The following GRM8 variants were observed in gnomAD, a reference collection of about 807,000 sequenced individuals.
GRM8 encodes glutamate metabotropic receptor 8.
A neutral mutation model predicts 87.2 loss-of-function variants in GRM8; 47 were observed. The observed-to-expected ratio is 0.54, with a 90% confidence interval of 0.43 to 0.69. The LOEUF (loss-of-function observed/expected upper bound fraction) is 0.69. Ranked by LOEUF, GRM8 falls within the 30% of genes least tolerant of loss-of-function variation. The pLI is 0.00. For missense variants in GRM8, 1,019 were observed against 1,139.2 expected (o/e 0.89, Z 1.52); for synonymous variants, 396 against 404.5 (o/e 0.98, Z 0.25).
At chr7:126,704,799 C>G (rs915971383) in intron 7 of GRM8, among the ~76,000 whole-genome samples, 1 of 152,130 alleles carries the variant, frequency 6.6e-6, no homozygotes. Context: ...AACCCTGTCT[C>G]CTGATAAGAT....
intron 6 of GRM8, among the ~76,000 whole-genome samples, chr7:126,875,424 G>A (rs1799450648): frequency 6.6e-6 from 1 of 152,096 alleles, no homozygotes; most frequent in South Asian, 2.1e-4. Flanking sequence ...AAACCTCTTA[G>A]ACCATCCTCC....
At chr7:126,454,060 G>T (rs1359079625) in intron 9 of GRM8, among the ~76,000 whole-genome samples, 1 of 151,426 alleles carries the variant, frequency 6.6e-6, no homozygotes, top group Non-Finnish European at 1.5e-5. Context: ...CATTTGAACG[G>T]ATATCAAAAT....
chr7:126,738,227 A>C (rs547014860), intron 7 of GRM8, among the ~76,000 whole-genome samples: 2 of 152,206 alleles, frequency 1.3e-5, no homozygotes, highest in African/African-American at 4.8e-5. Context: ...CAGGATGCTG[A>C]AAGCTGCAGG....
chr7:126,978,031 A>G (rs1307266897), intron 3 of GRM8, among the ~76,000 whole-genome samples: 1 of 152,256 alleles, frequency 6.6e-6, no homozygotes, highest in Non-Finnish European at 1.5e-5. Context: ...TGTTTTGTAC[A>G]GAATGGAGAT....
intron 2 of GRM8, among the ~76,000 whole-genome samples, chr7:127,114,430 A>ACT (rs1187289562): frequency 6.6e-6 from 1 of 152,160 alleles, no homozygotes; most frequent in African/African-American, 2.4e-5. Context: ...CACCTGCACA[A>ACT]AAGGGGCCTG....
chr7:127,037,545 C>T (rs1817957372), intron 3 of GRM8, among the ~76,000 whole-genome samples: 1 of 152,178 alleles, frequency 6.6e-6, no homozygotes, highest in South Asian at 2.1e-4. Context: ...ATTCTGGACA[C>T]TCATCTGCTT....
intron 3 of GRM8, among the ~76,000 whole-genome samples, chr7:127,093,189 TAG>T (rs962124303): frequency 7.9e-5 from 12 of 152,096 alleles, no homozygotes; most frequent in African/African-American, 2.4e-4. Context: ...TCCTGTAGCC[TAG>T]AGAGATCTGA....
Position 127,033,780 on chromosome 7 carries a change from A to G in GRM8, c.727+72716T>C, listed in dbSNP as rs17863184. On this transcript the variant is annotated intron_variant, in intron 3 of 10. Coordinates refer to ENST00000339582, the MANE Select transcript of GRM8 (RefSeq NM_000845.3). ...TATGTTTTAAGAGATATAGAGAACA[A>G]TCACCCTCATATAAATTCTGGACAC... 6.4e-3 allele frequency among the ~76,000 whole-genome samples: 970 copies of G among 152,292 alleles called. 8 individuals carry two copies. The highest frequency in any genetic ancestry group is 0.015 in the South Asian group (73 of 4,832).
At chr7:126,451,713 C>T (rs563739352) in intron 9 of GRM8, among the ~76,000 whole-genome samples, 1 of 151,864 alleles carries the variant, frequency 6.6e-6, no homozygotes, top group African/African-American at 2.4e-5. Context: ...CCCATACTGG[C>T]TCCCTGGCTG....
chr7:126,441,485 T>C (rs1801461802), intron 10 of GRM8, among the ~76,000 whole-genome samples: 1 of 152,070 alleles, frequency 6.6e-6, no homozygotes, highest in Non-Finnish European at 1.5e-5. Flanking sequence ...TGAATCTCTG[T>C]CCTAAAATTC....
chr7:126,999,142 A>G (rs111898724), intron 3 of GRM8, among the ~76,000 whole-genome samples: 14,764 of 151,952 alleles, frequency 0.097, 819 homozygotes, highest in East Asian at 0.21. Flanking sequence ...TATTGGAGAA[A>G]AATCATCTCT....
intron 2 of GRM8, among the ~76,000 whole-genome samples, chr7:127,224,134 G>T (rs1797162859): frequency 1.3e-5 from 2 of 152,118 alleles, no homozygotes; most frequent in South Asian, 4.1e-4. Context: ...AGGAAAAAGA[G>T]GGTAGGGCTA....
At chr7:127,232,431 A>T (rs115165058) in intron 2 of GRM8, among the ~76,000 whole-genome samples, 85 of 152,132 alleles carry the variant, frequency 5.6e-4, no homozygotes, top group African/African-American at 2.0e-3. Flanking sequence ...GGATCTTGTC[A>T]TGTTGCTCAG....
chr7:127,185,056 T>C (rs1382769091), intron 2 of GRM8, among the ~76,000 whole-genome samples: 1 of 152,078 alleles, frequency 6.6e-6, no homozygotes, highest in Non-Finnish European at 1.5e-5. Flanking sequence ...ACTTGGTCTA[T>C]AAATTCAAAG....
At chr7:127,206,407 T>TG (rs1473134692) in intron 2 of GRM8, among the ~76,000 whole-genome samples, 4 of 152,216 alleles carry the variant, frequency 2.6e-5, no homozygotes, top group Non-Finnish European at 5.9e-5. Flanking sequence ...TCCATACTCC[T>TG]GTATGGCATT....
intron 6 of GRM8, among the ~76,000 whole-genome samples, chr7:126,788,420 A>AAAAAAAAAAAAAAAAAAAAAAC: frequency 1.7e-4 from 14 of 81,136 alleles, no homozygotes; most frequent in African/African-American, 6.4e-4. Context: ...AAAAAAAAAA[A>AAAAAAAAAAAAAAAAAAAAAAC]AAACCCTTTC....
intron 7 of GRM8, among the ~76,000 whole-genome samples, chr7:126,711,741 T>C (rs555759991): frequency 6.6e-6 from 1 of 152,374 alleles, no homozygotes; most frequent in South Asian, 2.1e-4. Flanking sequence ...GATAACTTGC[T>C]GAAGCTTCTA....
intron 6 of GRM8, among the ~76,000 whole-genome samples, chr7:126,790,010 TC>T (rs1821102937): frequency 6.7e-6 from 1 of 148,628 alleles, no homozygotes; most frequent in African/African-American, 2.6e-5. Flanking sequence ...ACATTCTCTC[TC>T]TCTTTTTTTT....
intron 3 of GRM8, among the ~76,000 whole-genome samples, chr7:127,063,031 T>A (rs756923157): frequency 6.6e-6 from 1 of 151,982 alleles, no homozygotes; most frequent in African/African-American, 2.4e-5. Context: ...GGCAGATGGA[T>A]CACAAAGTCA....
Sources: allele counts gnomAD v4.1 joint callset (sites outside exome capture counted in the v4.1 genomes callset), GRCh38; gene constraint gnomAD v4.1.1; transcripts MANE v1.5; gene names NCBI Gene and HGNC (gene_info 2026-07-23, HGNC 2026-07-21).